Variants in FAT4 observed in about 807,000 individuals in gnomAD.
FAT4 encodes FAT atypical cadherin 4, also known as protocadherin Fat 4.
FAT4 carries 84 observed loss-of-function variants against 303.9 expected under a neutral mutation model. The observed-to-expected ratio is 0.28, with a 90% CI of 0.23 to 0.33. FAT4 has a LOEUF of 0.33. Ranked by LOEUF, FAT4 falls within the 10% of genes least tolerant of loss-of-function variation. FAT4 has a pLI of 1.00. For missense variants in FAT4, 6,005 were observed against 6,146.8 expected, an observed-to-expected ratio of 0.98 and a Z score of 0.77; for synonymous variants, 2,307 against 2,298.8, an observed-to-expected ratio of 1.00 and a Z score of -0.10.
intron 2 of FAT4, chr4:125,393,961 G>A (rs1459559274): frequency 1.3e-6 from 1 of 780,238 alleles, no homozygotes; most frequent in Non-Finnish European, 2.4e-6. Flanking sequence ...GTGGCAGTGG[G>A]TGATACCTTA....
intron 2 of FAT4, among the ~76,000 whole-genome samples, chr4:125,346,668 A>C (rs1251636112): frequency 6.6e-6 from 1 of 151,974 alleles, no homozygotes; most frequent in African/African-American, 2.4e-5. Flanking sequence ...AATGGAAAGG[A>C]TGAAAAATTA....
chr4:125,487,325 A>AT lies in FAT4; in HGVS notation c.12823-15dup. 1 of 1,589,352 alleles carries AT rather than the reference A, an allele frequency of 6.3e-7. No homozygotes were observed. Among genetic ancestry groups the AT allele is most frequent in the Non-Finnish European group, 8.6e-7 (1 of 1,166,668 alleles). ...GCATACCATATTTTAATTGCATACT[A>AT]TTTTTAATATGTTTTACAGATTAAG... On this transcript the variant is annotated intron_variant, in intron 16 of 17. Transcript: ENST00000394329.
chr4:125,330,496 A>C (rs754062721), intron 2 of FAT4, among the ~76,000 whole-genome samples: 4 of 152,192 alleles, frequency 2.6e-5, no homozygotes, highest in African/African-American at 4.8e-5. Flanking sequence ...AAATATGAAC[A>C]CTATATATGT....
intron 2 of FAT4, among the ~76,000 whole-genome samples, chr4:125,338,641 TC>T (rs1731661838): frequency 6.6e-6 from 1 of 152,032 alleles, no homozygotes; most frequent in Non-Finnish European, 1.5e-5. Flanking sequence ...TATCAGAAAA[TC>T]TAAAAGATTG....
chr4:125,434,223 C>A (rs532116219), intron 7 of FAT4, 22 bp from the exon 8 acceptor site: 40 of 1,599,916 alleles, frequency 2.5e-5, no homozygotes, highest in Non-Finnish European at 3.3e-5. Context: ...AACATTGAGA[C>A]TTGATTTTCT....
At position 125,321,406 on chromosome 4, in the gene FAT4, T is replaced by C; in HGVS notation, c.4995T>C (p.Tyr1665=). Residue 1665 remains tyrosine, a synonymous_variant, in exon 2 of 18, where the codon TAT becomes TAC. Coordinates refer to ENST00000394329, the MANE Select transcript of FAT4 (RefSeq NM_001291303.3). ...SPRGSEAPVE[Y]YIVSVRCEEK... ...GAGGATCTGAGGCCCCAGTGGAGTA[T>C]TATATTGTTTCAGTTCGTTGTGAAG... 6.2e-7 allele frequency: 1 copy of C among 1,614,096 alleles called. No homozygotes were observed. The highest frequency in any genetic ancestry group is 8.5e-7 in the Non-Finnish European group (1 of 1,179,980).
intron 7 of FAT4, among the ~76,000 whole-genome samples, chr4:125,418,098 A>G (rs896763648): frequency 6.6e-6 from 1 of 152,216 alleles, no homozygotes; most frequent in Non-Finnish European, 1.5e-5. Flanking sequence ...TTTCATTCAA[A>G]AGTCAAACTT....
At position 125,320,524 on chromosome 4, in the gene FAT4, T is replaced by G. The variant is rs200517619; in HGVS notation, c.4113T>G (p.Ser1371Arg). The G allele has an allele frequency of 2.6e-5, 42 of 1,613,796 alleles. 1 individual carries two copies. The highest frequency in any genetic ancestry group is 1.5e-4 in the South Asian group (14 of 91,074). The change falls in exon 2 of 18, where the codon AGT becomes AGG. Residue 1371 changes from serine to arginine, a missense_variant. Coordinates refer to ENST00000394329, the MANE Select transcript of FAT4 (RefSeq NM_001291303.3). Reference sequence around the variant, plus strand: ...TTAGCATTAGCCCAAACACTGGGAGTATTTTTCTTGCCAAAAAACTGGACT... The same window carrying G: ...TTAGCATTAGCCCAAACACTGGGAGGATTTTTCTTGCCAAAAAACTGGACT... ...GTFSISPNTG[S>R]IFLAKKLDFE...
chr4:125,316,580 C>G lies in FAT4; in HGVS notation c.169C>G (p.Pro57Ala), dbSNP rs1730604770. ...QVFQVLEEQP[P>A]GTLVGTIQTR... ...GTTCCAAGTGCTGGAAGAGCAACCT[C>G]CAGGCACTCTGGTAGGCACCATCCA... The change falls in exon 2 of 18, where the codon CCA becomes GCA. Residue 57 changes from proline (P) to alanine (A), a missense_variant. By Grantham distance (27) the Pro-to-Ala change is conservative. Transcript: ENST00000394329. This position sits in a 1 kb window ranked among gnomAD's most constrained non-coding sequence, Gnocchi z 5.7. 5.6e-6 allele frequency: 9 copies of G among 1,614,052 alleles called. No homozygotes were observed. In the East Asian group the frequency reaches 2.0e-4, roughly 36 times the overall value.
At chr4:125,331,604 A>G (rs1731384940) in intron 2 of FAT4, among the ~76,000 whole-genome samples, 1 of 152,210 alleles carries the variant, frequency 6.6e-6, no homozygotes, top group Non-Finnish European at 1.5e-5. Context: ...TATATATCAC[A>G]GTGTATGCTA....
intron 2 of FAT4, among the ~76,000 whole-genome samples, chr4:125,334,882 G>A (rs948852631): frequency 6.6e-6 from 1 of 152,048 alleles, no homozygotes; most frequent in Non-Finnish European, 1.5e-5. Flanking sequence ...TTCATGTATA[G>A]TATAGCTATG....
rs942387445 is a variant in FAT4, at chr4:125,488,119, A to T, written c.13084+513A>T. 2.6e-5 allele frequency among the ~76,000 whole-genome samples: 4 copies of T among 152,236 alleles called. No homozygotes were observed. The South Asian group carries it at 8.3e-4, about 32-fold the overall frequency. On this transcript the variant is annotated intron_variant, in intron 17 of 17. Transcript: ENST00000394329. ...GAAGGGGAATTTTGCTGTGGAATTG[A>T]CATGTATACATAAATCTGAATGATG...
At chr4:125,393,946 C>G (rs758254239) in intron 2 of FAT4, 2 of 779,976 alleles carry the variant, frequency 2.6e-6, no homozygotes, top group Admixed American at 1.7e-5. Context: ...ATGGTAACAA[C>G]GGTAGTGGCA....
chr4:125,420,000 T>C (rs1355281007), intron 7 of FAT4, among the ~76,000 whole-genome samples: 1 of 152,200 alleles, frequency 6.6e-6, no homozygotes, highest in Non-Finnish European at 1.5e-5. Context: ...AATTTTCTAT[T>C]CTACAGCGAG....
rs777858835 is a variant in FAT4 at position 125,316,793 on chromosome 4, C to T, written c.382C>T (p.Leu128Phe). Residue 128 changes from leucine to phenylalanine, a missense_variant, in exon 2 of 18, where the codon CTC becomes TTC. Leu to Phe is a conservative substitution (Grantham distance 22, BLOSUM62 0). Transcript: ENST00000394329. The surrounding 1 kb of genome is among the most constrained non-coding windows in gnomAD (Gnocchi z 5.7). ...CGAAGTGCGAGTGCTGGTGCGGGAC[C>T]TCAATGACAACGCCCCCGTTTTCCC... Reference protein sequence around the residue: ...PTEVRVLVRDLNDNAPVFPDP... With the variant: ...PTEVRVLVRDFNDNAPVFPDP... The T allele has an allele frequency of 1.1e-5, 17 of 1,613,930 alleles. No individual in the cohort carries two copies. The highest frequency in any genetic ancestry group is 1.6e-4 in the Middle Eastern group (1 of 6,084).
chr4:125,384,084 A>G (rs1182117992), intron 2 of FAT4, among the ~76,000 whole-genome samples: 2 of 152,162 alleles, frequency 1.3e-5, no homozygotes, highest in Non-Finnish European at 2.9e-5. Flanking sequence ...GCTGATGGAC[A>G]TTTGGGTTGT....
At chr4:125,489,869 GTA>G in intron 17 of FAT4, 30 bp from the exon 18 acceptor site, 1 of 224,584 alleles carries the variant, frequency 4.5e-6, no homozygotes, top group Non-Finnish European at 6.2e-6. Context: ...TTTTTTTTTT[GTA>G]AAAAGCCTTA....
intron 16 of FAT4, among the ~76,000 whole-genome samples, chr4:125,486,137 C>A (rs753802274): frequency 7.4e-6 from 1 of 135,670 alleles, no homozygotes; most frequent in African/African-American, 2.5e-5. Flanking sequence ...TGGGAGAAGG[C>A]TTTTCCTTTT....
intron 2 of FAT4, among the ~76,000 whole-genome samples, chr4:125,376,261 T>A (rs1358078716): frequency 6.6e-6 from 1 of 152,238 alleles, no homozygotes; most frequent in Non-Finnish European, 1.5e-5. Flanking sequence ...GATGCAAGAT[T>A]TTATTTTTCC....
Sources: gnomAD v4.1 joint callset for allele counts (sites outside exome capture counted in the v4.1 genomes callset) on GRCh38, gnomAD v4.1.1 for gene constraint, Gnocchi (gnomAD v3.1) non-coding constraint, MANE v1.5 for transcripts, NCBI Gene and HGNC (gene_info 2026-07-23, HGNC 2026-07-21) for gene names.